Variants in C1orf198 observed in about 807,000 individuals in gnomAD.
The protein encoded by C1orf198 is uncharacterized protein C1orf198.
A neutral mutation model predicts 31.4 loss-of-function variants in C1orf198; 17 were observed. The observed-to-expected ratio is 0.54, with a 90% CI of 0.37 to 0.81. The LOEUF is 0.81. Ranked by LOEUF, C1orf198 falls within the 40% of genes least tolerant of loss-of-function variation. The probability of loss-of-function intolerance (pLI) is 0.00; values close to 1 mark genes in which losing one functional copy is unlikely to be tolerated. For missense variants in C1orf198, 401 were observed against 450.3 expected, an observed-to-expected ratio of 0.89 and a Z score of 0.99; for synonymous variants, 175 against 193.8, an observed-to-expected ratio of 0.90 and a Z score of 0.81.
At chr1:230,842,100 G>T (rs1253672586) in intron 3 of C1orf198, among the ~76,000 whole-genome samples, 1 of 152,206 alleles carries the variant, frequency 6.6e-6, no homozygotes, top group East Asian at 1.9e-4. Flanking sequence ...GACACAGAAA[G>T]TGGAATGGTG....
At chr1:230,853,106 C>T (rs957831806) in intron 2 of C1orf198, among the ~76,000 whole-genome samples, 4 of 152,130 alleles carry the variant, frequency 2.6e-5, no homozygotes, top group East Asian at 1.9e-4. Flanking sequence ...TCCCATCAGG[C>T]GATCAGATGA....
In C1orf198 at chr1:230,843,930, A is replaced by G. The variant is rs1047253436; in HGVS notation, c.385-34T>C. The G allele has an allele frequency of 1.1e-5, 17 of 1,493,796 alleles. No individual in the cohort carries two copies. Among genetic ancestry groups the G allele is most frequent in the Non-Finnish European group, 1.4e-5 (16 of 1,127,570 alleles). The allele number at this position is 1,493,796 out of a possible 1,614,324, so 92.5% of individuals were successfully genotyped here. On this transcript the variant is annotated intron_variant, in intron 2 of 3. Coordinates refer to ENST00000366663, the MANE Select transcript of C1orf198 (RefSeq NM_032800.3). This position sits in a 1 kb window ranked among gnomAD's most constrained non-coding sequence, Gnocchi z 4.9. ...GGACATGAGAAAGGACAGAAAAAAG[A>G]AAGAGATCCTGAGAATCGACCGTCA... is the stretch of plus-strand genomic sequence containing the variant.
Position 230,839,745 on chromosome 1 carries a change from C to T in C1orf198, c.*107G>A. The T allele has an allele frequency of 1.0e-6, 1 of 995,626 alleles. No individual in the cohort carries two copies. Among genetic ancestry groups the T allele is most frequent in the South Asian group, 1.6e-5 (1 of 61,960 alleles). 61.7% of individuals were successfully genotyped at this position (995,626 alleles called of 1,614,324 possible). On this transcript the variant is annotated 3_prime_UTR_variant, in exon 4 of 4. Coordinates refer to ENST00000366663, the MANE Select transcript of C1orf198 (RefSeq NM_032800.3). ...TTCCAAATGATTAAGAAAAGAGTGT[C>T]AAGAAACCAGTAAAATACATAGGAA...
At chr1:230,863,956 T>G (rs1371238297) in intron 1 of C1orf198, among the ~76,000 whole-genome samples, 2 of 152,090 alleles carry the variant, frequency 1.3e-5, no homozygotes, top group Non-Finnish European at 2.9e-5. Flanking sequence ...TCTTTTTCCT[T>G]TTTTTTATTT....
In C1orf198 at chr1:230,839,554, G is replaced by A. The variant is rs1004448033; in HGVS notation, c.*298C>T. 33 of 310,132 alleles carry A rather than the reference G, an allele frequency of 1.1e-4. No homozygotes were observed. Among genetic ancestry groups the A allele is most frequent in the Non-Finnish European group, 1.8e-4 (31 of 171,342 alleles). 19.2% of individuals were successfully genotyped at this position (310,132 alleles called of 1,614,324 possible). A position where few individuals can be genotyped will look rare whatever the true frequency, so the allele number is the denominator to read the frequency against. On this transcript the variant is annotated 3_prime_UTR_variant, in exon 4 of 4. Transcript: ENST00000366663. Reference sequence around the variant, plus strand: ...GTTGAAACACATCCTTTGAGGAGGGGGAAAGTTGGGTGGAGCTGGGAACAG... The same window carrying A: ...GTTGAAACACATCCTTTGAGGAGGGAGAAAGTTGGGTGGAGCTGGGAACAG...
intron 1 of C1orf198, among the ~76,000 whole-genome samples, chr1:230,865,920 A>G (rs553555882): frequency 1.3e-5 from 2 of 152,364 alleles, no homozygotes; most frequent in African/African-American, 4.8e-5. Context: ...CCATTCAAAG[A>G]AATAGGCAGT....
chr1:230,868,381 C>T lies in C1orf198; in HGVS notation c.132G>A (p.Met44Ile). Reference sequence around the variant, plus strand: ...TCTCGCGGATCTTCTCCTTGTCCTGCATGATCTTCCTGGCCATGGGGCTCA... The same window carrying T: ...TCTCGCGGATCTTCTCCTTGTCCTGTATGATCTTCCTGGCCATGGGGCTCA... ...SSLSPMARKIMQDKEKIREKY... is the reference protein window; with the variant it reads ...SSLSPMARKIIQDKEKIREKY... The change falls in exon 1 of 4, where the codon ATG becomes ATA. Residue 44 changes from methionine to isoleucine, a missense_variant. Coordinates refer to ENST00000366663, the MANE Select transcript of C1orf198 (RefSeq NM_032800.3). The T allele has an allele frequency of 6.3e-7, 1 of 1,599,428 alleles. No homozygotes were observed. Among genetic ancestry groups the T allele is most frequent in the Non-Finnish European group, 8.5e-7 (1 of 1,173,618 alleles).
chr1:230,867,775 C>T (rs1203794954), intron 1 of C1orf198, among the ~76,000 whole-genome samples: 2 of 152,176 alleles, frequency 1.3e-5, no homozygotes, highest in South Asian at 2.1e-4. Context: ...GAAACTGAGG[C>T]TCTAAGAAGT....
At chr1:230,865,328 T>C (rs1670094781) in intron 1 of C1orf198, among the ~76,000 whole-genome samples, 1 of 152,050 alleles carries the variant, frequency 6.6e-6, no homozygotes. Context: ...CAAAATGGGG[T>C]TGGGTGGCTG....
chr1:230,855,976 A>C, intron 1 of C1orf198: 1 of 1,285,290 alleles, frequency 7.8e-7, no homozygotes, highest in Admixed American at 3.6e-5. Flanking sequence ...GAGGCCCCCC[A>C]ATGGACTCAG....
Position 230,837,448 on chromosome 1 carries a change from G to C in C1orf198, c.*2404C>G, listed in dbSNP as rs1207022050. 2.0e-5 allele frequency: 3 copies of C among 152,224 alleles called. No individual in the cohort carries two copies. Among genetic ancestry groups the C allele is most frequent in the Non-Finnish European group, 4.4e-5 (3 of 68,034 alleles). 9.4% of individuals were successfully genotyped at this position (152,224 alleles called of 1,614,324 possible). On this transcript the variant is annotated 3_prime_UTR_variant, in exon 4 of 4. Transcript: ENST00000366663. ...AGCTGAATCCCAGGTGCAGAGACTGGGGGGAGGTGGAGAATCCAAAATCAT... is the reference window on the plus strand; with the variant it reads ...AGCTGAATCCCAGGTGCAGAGACTGCGGGGAGGTGGAGAATCCAAAATCAT...
rs1248365748 is a variant in C1orf198, at chr1:230,843,906, G to A, written c.385-10C>T. On this transcript the variant is annotated splice_polypyrimidine_tract_variant and intron_variant, in intron 2 of 3. Transcript: ENST00000366663. The surrounding 1 kb of genome is among the most constrained non-coding windows in gnomAD (Gnocchi z 4.9). ...TGAACTCCATCTGACTCTAGGGTGG[G>A]ACATGAGAAAGGACAGAAAAAAGAA... The A allele has an allele frequency of 6.7e-7, 1 of 1,501,842 alleles. No homozygotes were observed. Among genetic ancestry groups the A allele is most frequent in the African/African-American group, 1.4e-5 (1 of 71,676 alleles). The allele number at this position is 1,501,842 out of a possible 1,614,324, so 93.0% of individuals were successfully genotyped here. A position where few individuals can be genotyped will look rare whatever the true frequency, so the allele number is the denominator to read the frequency against.
At chr1:230,849,680 G>A (rs916325629) in intron 2 of C1orf198, among the ~76,000 whole-genome samples, 4 of 152,228 alleles carry the variant, frequency 2.6e-5, no homozygotes, top group Non-Finnish European at 4.4e-5. Flanking sequence ...AGTAAAAGAC[G>A]AGTGCAGGCT....
intron 1 of C1orf198, 128 bp downstream of exon 1, chr1:230,868,052 G>A: frequency 1.1e-6 from 1 of 882,118 alleles, no homozygotes; most frequent in Non-Finnish European, 1.6e-6. Flanking sequence ...CCCACCCACT[G>A]CCATTCCTGC....
At chr1:230,861,573 A>C (rs368014267) in intron 1 of C1orf198, among the ~76,000 whole-genome samples, 1 of 152,212 alleles carries the variant, frequency 6.6e-6, no homozygotes, top group Non-Finnish European at 1.5e-5. Flanking sequence ...GCCATGGTGG[A>C]GTATCTGGTC....
In C1orf198 at chr1:230,845,216, T is replaced by TAAAAAAAAAAAA. The variant is rs11355270; in HGVS notation, c.385-1332_385-1321dup. Among the ~76,000 whole-genome samples the TAAAAAAAAAAAA allele has an allele frequency of 1.0e-4, 12 of 117,074 alleles. No individual in the cohort carries two copies. In the East Asian group the frequency reaches 3.1e-3, roughly 30 times the overall value. 76.8% of individuals were successfully genotyped at this position (117,074 alleles called of 152,430 possible). A position where few individuals can be genotyped will look rare whatever the true frequency, so the allele number is the denominator to read the frequency against. ...CTTCTCTACTAAAAATTAAAAAAAT[T>TAAAAAAAAAAAA]AAAAAAAAAAAAAAAAAAGGCCAGG... On this transcript the variant is annotated intron_variant, in intron 2 of 3. Coordinates refer to ENST00000366663, the MANE Select transcript of C1orf198 (RefSeq NM_032800.3).
At chr1:230,852,489 C>A (rs1363166194) in intron 2 of C1orf198, among the ~76,000 whole-genome samples, 1 of 152,114 alleles carries the variant, frequency 6.6e-6, no homozygotes, top group African/African-American at 2.4e-5. Context: ...CTTAATCATT[C>A]CACAATGTAC....
intron 1 of C1orf198, among the ~76,000 whole-genome samples, chr1:230,862,384 G>C (rs1185825891): frequency 6.6e-6 from 1 of 152,300 alleles, no homozygotes. Flanking sequence ...CATTTACCCA[G>C]ATGAACTGAA....
At chr1:230,867,799 G>A (rs975412287) in intron 1 of C1orf198, among the ~76,000 whole-genome samples, 10 of 152,156 alleles carry the variant, frequency 6.6e-5, no homozygotes, top group African/African-American at 1.9e-4. Context: ...TTGACCCACC[G>A]CCATACAGGT....
Sources: gnomAD v4.1 joint callset for allele counts (sites outside exome capture counted in the v4.1 genomes callset) on GRCh38, gnomAD v4.1.1 for gene constraint, Gnocchi (gnomAD v3.1) non-coding constraint, MANE v1.5 for transcripts, NCBI Gene and HGNC (gene_info 2026-07-23, HGNC 2026-07-21) for gene names.